Variants in FBXO34 observed in about 807,000 individuals in gnomAD.
FBXO34 encodes the protein F-box only protein 34.
FBXO34 carries 12 observed loss-of-function variants against 24.5 expected under a neutral mutation model. That is an observed-to-expected ratio of 0.49 (90% CI 0.31 to 0.79). The LOEUF (loss-of-function observed/expected upper bound fraction) is 0.79. FBXO34 is among the 30% of genes least tolerant of loss of function. FBXO34 has a pLI of 0.04. For synonymous variants in FBXO34, 320 were observed against 311.9 expected (o/e 1.03, Z -0.27); for missense variants, 823 against 857.7 (o/e 0.96, Z 0.51).
intron 1 of FBXO34, among the ~76,000 whole-genome samples, chr14:55,329,990 G>C (rs1164917008): frequency 4.0e-5 from 6 of 151,880 alleles, no homozygotes; most frequent in Non-Finnish European, 8.8e-5. Context: ...CCCAAATGAG[G>C]ACCTGTGGAG....
chr14:55,319,175 A>G (rs1883041014), intron 1 of FBXO34, among the ~76,000 whole-genome samples: 1 of 152,206 alleles, frequency 6.6e-6, no homozygotes, highest in Admixed American at 6.5e-5. Flanking sequence ...TGAGGAATGC[A>G]CATATTTACA....
chr14:55,279,294 A>G (rs1594720838), intron 1 of FBXO34, among the ~76,000 whole-genome samples: 1 of 151,838 alleles, frequency 6.6e-6, no homozygotes, highest in East Asian at 1.9e-4. Context: ...CAAAAAAAAA[A>G]AAAAAGGAAA....
chr14:55,413,830 T>G, the FBXO34 span: 2 of 391,556 alleles, frequency 5.1e-6, no homozygotes, highest in South Asian at 2.3e-5. Context: ...AATCTTGCCC[T>G]TGTTTACAAT....
At chr14:55,425,031 CA>C in the FBXO34 span, among the ~76,000 whole-genome samples, 4 of 152,212 alleles carry the variant, frequency 2.6e-5, no homozygotes, top group Admixed American at 2.6e-4. Flanking sequence ...AGCAATGGAA[CA>C]CTAGCATCTT....
At chr14:55,417,207 G>A in the FBXO34 span, among the ~76,000 whole-genome samples, 542 of 152,270 alleles carry the variant, frequency 3.6e-3, 7 homozygotes, top group African/African-American at 0.012. Context: ...GCAGCTGTGG[G>A]AGAAGAGTGC....
In FBXO34 at chr14:55,351,751, T is replaced by C. The variant is rs1416039549; in HGVS notation, c.1361T>C (p.Leu454Ser). The change falls in exon 2 of 2, where the codon TTG becomes TCG. Residue 454 changes from leucine (L) to serine (S), a missense_variant. Leu to Ser is a moderately radical substitution (Grantham distance 145, BLOSUM62 -2). Coordinates refer to ENST00000313833, the MANE Select transcript of FBXO34 (RefSeq NM_017943.4). The stretch of plus-strand genomic sequence containing the variant: ...AATCCTGATCAAAGAAAAGAATCTT[T>C]GTGCATTAGTATCACTGTGTCCAAG... The part of the protein sequence containing the change: ...SRNPDQRKES[L>S]CISITVSKVD... The C allele has an allele frequency of 6.2e-7, 1 of 1,614,216 alleles. No individual in the cohort carries two copies. The highest frequency in any genetic ancestry group is 1.7e-5 in the Admixed American group (1 of 60,028).
At chr14:55,377,711 G>A in the FBXO34 span, 6 of 706,050 alleles carry the variant, frequency 8.5e-6, no homozygotes, top group African/African-American at 1.8e-5. Context: ...ATTTTTGTCC[G>A]GTTTGAGGAG....
intron 1 of FBXO34, among the ~76,000 whole-genome samples, chr14:55,309,864 C>A (rs944364367): frequency 2.0e-5 from 3 of 152,114 alleles, no homozygotes; most frequent in Non-Finnish European, 1.5e-5. Context: ...TTATTCCATT[C>A]GTAATGCATT....
chr14:55,414,337 A>T, the FBXO34 span: 1 of 1,425,566 alleles, frequency 7.0e-7, no homozygotes, highest in Non-Finnish European at 9.7e-7. Context: ...GGGCTTATGG[A>T]CATATTCAAA....
At chr14:55,285,765 A>G (rs1881740447) in intron 1 of FBXO34, among the ~76,000 whole-genome samples, 1 of 152,184 alleles carries the variant, frequency 6.6e-6, no homozygotes, top group Admixed American at 6.5e-5. Flanking sequence ...TGTTCCTTTA[A>G]CCGAACACTT....
the FBXO34 span, among the ~76,000 whole-genome samples, chr14:55,375,490 A>AATTTTTTTTTTTTT: frequency 2.5e-5 from 3 of 117,798 alleles, no homozygotes; most frequent in Non-Finnish European, 1.7e-5. Flanking sequence ...GCCGGGCTAA[A>AATTTTTTTTTTTTT]TTTTTTTTTT....
the FBXO34 span, chr14:55,382,149 G>T: frequency 6.2e-7 from 1 of 1,614,134 alleles, no homozygotes; most frequent in South Asian, 1.1e-5. Flanking sequence ...CAGTGCTGGA[G>T]GTCATGGCAC....
the FBXO34 span, chr14:55,394,984 C>T: frequency 2.5e-5 from 11 of 441,924 alleles, no homozygotes; most frequent in South Asian, 1.3e-4. Flanking sequence ...AGGGGCTCTC[C>T]TCAGTTTTAG....
the FBXO34 span, among the ~76,000 whole-genome samples, chr14:55,437,386 G>C: frequency 3.9e-5 from 6 of 152,240 alleles, no homozygotes; most frequent in Admixed American, 1.3e-4. Flanking sequence ...GCTGAGGCAT[G>C]AGAATCTCTT....
intron 1 of FBXO34, among the ~76,000 whole-genome samples, chr14:55,313,978 C>G (rs973617581): frequency 1.3e-5 from 2 of 152,190 alleles, no homozygotes; most frequent in Non-Finnish European, 2.9e-5. Context: ...TCACAACTTA[C>G]TGCAGCCTCA....
At chr14:55,380,875 A>ATATATATATTTTTTT in the FBXO34 span, among the ~76,000 whole-genome samples, 76 of 112,670 alleles carry the variant, frequency 6.7e-4, no homozygotes, top group Non-Finnish European at 1.2e-3. Context: ...ATATATATAT[A>ATATATATATTTTTTT]TTTTTTTTTT....
chr14:55,391,261 G>A, the FBXO34 span: 4 of 276,322 alleles, frequency 1.4e-5, no homozygotes, highest in Non-Finnish European at 2.7e-5. Flanking sequence ...AGATCAAGAG[G>A]TTAGGAGATC....
At chr14:55,420,785 T>A in the FBXO34 span, among the ~76,000 whole-genome samples, 1 of 151,948 alleles carries the variant, frequency 6.6e-6, no homozygotes, top group Non-Finnish European at 1.5e-5. Context: ...GGGGGTTGGG[T>A]GCGGTGGCTC....
At chr14:55,301,621 A>G (rs1882359654) in intron 1 of FBXO34, among the ~76,000 whole-genome samples, 1 of 152,068 alleles carries the variant, frequency 6.6e-6, no homozygotes. Flanking sequence ...TAGGGAGGAG[A>G]CTTGAATGTT....
Sources: gnomAD v4.1 joint callset for allele counts (sites outside exome capture counted in the v4.1 genomes callset) on GRCh38, gnomAD v4.1.1 for gene constraint, MANE v1.5 for transcripts, NCBI Gene and HGNC (gene_info 2026-07-23, HGNC 2026-07-21) for gene names.